Variants in RORA observed in about 807,000 individuals in gnomAD.
RORA encodes the protein nuclear receptor ROR-alpha.
RORA carries 7 observed loss-of-function variants against 69.5 expected under a neutral mutation model. The observed-to-expected ratio is 0.10, with a 90% CI of 0.06 to 0.19. RORA has a LOEUF of 0.19. RORA is among the 10% of genes least tolerant of loss of function. RORA has a pLI of 1.00. For missense variants in RORA, 457 were observed against 663.0 expected, an observed-to-expected ratio of 0.69 and a Z score of 3.41; for synonymous variants, 261 against 240.8, an observed-to-expected ratio of 1.08 and a Z score of -0.78.
At chr15:60,563,909 G>C (rs965745405) in intron 2 of RORA, among the ~76,000 whole-genome samples, 1 of 152,146 alleles carries the variant, frequency 6.6e-6, no homozygotes, top group Non-Finnish European at 1.5e-5. Flanking sequence ...ATGGCATTCA[G>C]TGTTGTATGA....
chr15:60,980,231 C>T (rs543208714), intron 1 of RORA, among the ~76,000 whole-genome samples: 1 of 152,224 alleles, frequency 6.6e-6, no homozygotes, highest in African/African-American at 2.4e-5. Flanking sequence ...GGATAAATTC[C>T]CATTAGCTAT....
At chr15:60,971,887 C>T (rs890488281) in intron 1 of RORA, among the ~76,000 whole-genome samples, 1 of 152,048 alleles carries the variant, frequency 6.6e-6, no homozygotes, top group Non-Finnish European at 1.5e-5. Flanking sequence ...GGCCCTCCCA[C>T]CATTGGGCTG....
chr15:60,611,556 T>G (rs2069086263), intron 2 of RORA, among the ~76,000 whole-genome samples: 1 of 10,106 alleles, frequency 9.9e-5, no homozygotes, highest in Non-Finnish European at 2.0e-4. Flanking sequence ...ATCTTGAGTT[T>G]TGCAAAAAAA....
At chr15:61,143,123 A>C (rs112490521) in intron 1 of RORA, among the ~76,000 whole-genome samples, 43 of 152,270 alleles carry the variant, frequency 2.8e-4, no homozygotes, top group African/African-American at 9.9e-4. Flanking sequence ...GGATGGATAC[A>C]TTAGGAGAGA....
intron 1 of RORA, among the ~76,000 whole-genome samples, chr15:61,035,259 G>T (rs1896396795): frequency 6.6e-6 from 1 of 151,980 alleles, no homozygotes; most frequent in Admixed American, 6.6e-5. Flanking sequence ...AGAGCGAGTG[G>T]CTATACAACT....
intron 1 of RORA, among the ~76,000 whole-genome samples, chr15:60,950,429 C>T (rs1166238372): frequency 2.2e-5 from 2 of 89,468 alleles, no homozygotes; most frequent in African/African-American, 8.3e-5. Flanking sequence ...ATCAAATTCA[C>T]ACATAACAAT....
At chr15:60,597,589 T>TACATAC (rs1555435997) in intron 2 of RORA, among the ~76,000 whole-genome samples, 1 of 22,876 alleles carries the variant, frequency 4.4e-5, no homozygotes, top group Non-Finnish European at 7.9e-5. Flanking sequence ...TATATATATA[T>TACATAC]ATATACACAT....
intron 1 of RORA, among the ~76,000 whole-genome samples, chr15:60,904,786 G>A (rs373977210): frequency 3.3e-5 from 5 of 152,092 alleles, no homozygotes; most frequent in Non-Finnish European, 5.9e-5. Flanking sequence ...AATGAACGAC[G>A]GAAGAAGGCT....
chr15:60,600,128 T>C, intron 2 of RORA, among the ~76,000 whole-genome samples: 1 of 152,356 alleles, frequency 6.6e-6, no homozygotes, highest in African/African-American at 2.4e-5. Context: ...TATTTTATTT[T>C]TTAAAGAACT....
chr15:61,138,027 T>C (rs1307835253), intron 1 of RORA, among the ~76,000 whole-genome samples: 2 of 152,340 alleles, frequency 1.3e-5, no homozygotes, highest in East Asian at 3.9e-4. Flanking sequence ...GACTTTTCCA[T>C]GCTTTCTTTA....
At position 60,564,813 on chromosome 15, in the gene RORA, A is replaced by G. The variant is rs543839069; in HGVS notation, c.197-32962T>C. On this transcript the variant is annotated intron_variant, in intron 2 of 10. Coordinates refer to ENST00000335670, the MANE Select transcript of RORA (RefSeq NM_134261.3). ...TCTAAGACAATTATATGACAGCATA[A>G]AAGTATTGATATTTAAATATCTCAA... Among the ~76,000 whole-genome samples, 4 of 152,306 alleles carry G rather than the reference A, an allele frequency of 2.6e-5. No individual in the cohort carries two copies. In the South Asian group the frequency reaches 8.3e-4, roughly 32 times the overall value.
At chr15:60,712,540 T>C (rs865963969) in intron 1 of RORA, among the ~76,000 whole-genome samples, 37 of 152,202 alleles carry the variant, frequency 2.4e-4, no homozygotes, top group African/African-American at 8.2e-4. Context: ...TTTTGATATG[T>C]ACCCAGACAG....
At chr15:60,917,065 A>G (rs1439548188) in intron 1 of RORA, among the ~76,000 whole-genome samples, 1 of 152,132 alleles carries the variant, frequency 6.6e-6, no homozygotes, top group Non-Finnish European at 1.5e-5. Context: ...AAAACCCTCA[A>G]CAGAGGAGCT....
At chr15:60,972,242 C>T (rs1181402958) in intron 1 of RORA, among the ~76,000 whole-genome samples, 1 of 152,166 alleles carries the variant, frequency 6.6e-6, no homozygotes, top group Non-Finnish European at 1.5e-5. Flanking sequence ...CACTTGGAGT[C>T]AAGCCTGGTG....
chr15:60,738,835 G>A (rs1004965495), intron 1 of RORA, among the ~76,000 whole-genome samples: 3 of 152,216 alleles, frequency 2.0e-5, no homozygotes, highest in African/African-American at 7.2e-5. Context: ...TCCTTTGAAG[G>A]TGCTAGGGGA....
chr15:61,157,276 G>A (rs547969936), intron 1 of RORA, among the ~76,000 whole-genome samples: 1 of 152,292 alleles, frequency 6.6e-6, no homozygotes, highest in Non-Finnish European at 1.5e-5. Flanking sequence ...GCAACATCAT[G>A]AATATTGAAA....
chr15:60,635,869 C>A (rs2069828284), intron 2 of RORA, among the ~76,000 whole-genome samples: 1 of 152,176 alleles, frequency 6.6e-6, no homozygotes, highest in Non-Finnish European at 1.5e-5. Flanking sequence ...GCCTGTTCAT[C>A]TCCTATCCTC....
At chr15:60,765,934 G>A (rs2071982345) in intron 1 of RORA, among the ~76,000 whole-genome samples, 1 of 151,870 alleles carries the variant, frequency 6.6e-6, no homozygotes. Flanking sequence ...AAGAATCAAA[G>A]AGAAGAAGGC....
chr15:60,592,451 G>T (rs2068555935), intron 2 of RORA: 1 of 1,408,110 alleles, frequency 7.1e-7, no homozygotes, highest in South Asian at 1.5e-5. Flanking sequence ...AGGGAGAGCG[G>T]ATGGTCCGAC....
Sources: allele counts gnomAD v4.1 joint callset (sites outside exome capture counted in the v4.1 genomes callset), GRCh38; gene constraint gnomAD v4.1.1; transcripts MANE v1.5; gene names NCBI Gene and HGNC (gene_info 2026-07-23, HGNC 2026-07-21).